Variants in REV3L observed in about 807,000 individuals in gnomAD.
REV3L encodes the protein REV3 like, DNA directed polymerase zeta catalytic subunit, also known as DNA polymerase zeta catalytic subunit.
A neutral mutation model predicts 299.4 loss-of-function variants in REV3L; 69 were observed. The observed-to-expected ratio is 0.23, with a 90% CI of 0.19 to 0.28. The LOEUF is 0.28. Ranked by LOEUF, REV3L falls within the 10% of genes least tolerant of loss-of-function variation. REV3L has a pLI of 1.00. For missense variants in REV3L, 3,128 were observed against 3,693.8 expected (o/e 0.85, Z 3.97); for synonymous variants, 1,238 against 1,271.4 (o/e 0.97, Z 0.56).
intron 1 of REV3L, among the ~76,000 whole-genome samples, chr6:111,421,478 G>A (rs1032845093): frequency 2.5e-4 from 38 of 152,080 alleles, no homozygotes; most frequent in African/African-American, 8.7e-4. Context: ...TTAAGTGAAC[G>A]GGCATGACCG....
In REV3L at chr6:111,305,161, G is replaced by A. The variant is rs969846401; in HGVS notation, c.9252+2200C>T. On this transcript the variant is annotated intron_variant, in intron 31 of 31. Coordinates refer to ENST00000368802, the MANE Select transcript of REV3L (RefSeq NM_001372078.1). ...TCTCCATATTGGTCAGGCTGGTCTCGAACTCCCGACCTCACGTGATCCGCC... is the reference window on the plus strand; with the variant it reads ...TCTCCATATTGGTCAGGCTGGTCTCAAACTCCCGACCTCACGTGATCCGCC... Among the ~76,000 whole-genome samples, 13 of 151,952 alleles carry A rather than the reference G, an allele frequency of 8.6e-5. No individual in the cohort carries two copies. The South Asian group carries it at 1.7e-3, about 19-fold the overall frequency.
rs191894641 is a variant in REV3L, at chr6:111,316,696, A to G, written c.8352-1315T>C. Among the ~76,000 whole-genome samples, 547 of 152,162 alleles carry G rather than the reference A, an allele frequency of 3.6e-3. 2 individuals carry two copies. Among genetic ancestry groups the G allele is most frequent in the African/African-American group, 0.013 (524 of 41,512 alleles). ...AAAAAAAGAAAAAAAAAAGACAGAC[A>G]TATATTCTGTAATGTATGTTAACTG... On this transcript the variant is annotated intron_variant, in intron 26 of 31. Coordinates refer to ENST00000368802, the MANE Select transcript of REV3L (RefSeq NM_001372078.1).
chr6:111,465,756 A>AAAAAAAAAAAAAAAAAAAAAAAC (rs1562355626), intron 1 of REV3L, among the ~76,000 whole-genome samples: 1 of 146,998 alleles, frequency 6.8e-6, no homozygotes, highest in Admixed American at 7.0e-5. Context: ...AAAAAAAAAA[A>AAAAAAAAAAAAAAAAAAAAAAAC]AAAAAAAAAA....
At chr6:111,300,700 T>C (rs1452088548) in intron 31 of REV3L, among the ~76,000 whole-genome samples, 3 of 152,222 alleles carry the variant, frequency 2.0e-5, no homozygotes. Context: ...ATTGTGAAGA[T>C]TTCATGAACA....
intron 28 of REV3L, 96 bp downstream of exon 28, chr6:111,313,256 C>A: frequency 9.1e-7 from 1 of 1,095,698 alleles, no homozygotes; most frequent in Non-Finnish European, 1.3e-6. Context: ...GGCTATAGTT[C>A]CTTCACCTAG....
chr6:111,351,652 C>T (rs1433972502), intron 19 of REV3L, 24 bp downstream of exon 19: 1 of 1,547,392 alleles, frequency 6.5e-7, no homozygotes, highest in South Asian at 1.1e-5. Flanking sequence ...AGTTGAATGA[C>T]AAAACATTCA....
chr6:111,307,830 G>T (rs1413009072), intron 30 of REV3L: 3 of 420,124 alleles, frequency 7.1e-6, no homozygotes, highest in African/African-American at 6.0e-5. Context: ...AAGTTCTAGG[G>T]TATGTGCAGG....
At chr6:111,452,452 A>G (rs1320683353) in intron 1 of REV3L, among the ~76,000 whole-genome samples, 2 of 152,234 alleles carry the variant, frequency 1.3e-5, no homozygotes. Flanking sequence ...TTCAGCACCT[A>G]GTGAATGGTA....
intron 17 of REV3L, among the ~76,000 whole-genome samples, chr6:111,357,988 ATG>A (rs1425984517): frequency 6.6e-6 from 1 of 151,596 alleles, no homozygotes; most frequent in East Asian, 1.9e-4. Context: ...GTGAGCTGGT[ATG>A]TGTCAGCTCA....
chr6:111,430,033 ACAAG>A (rs1348521381), intron 1 of REV3L, among the ~76,000 whole-genome samples: 1 of 152,062 alleles, frequency 6.6e-6, no homozygotes, highest in Non-Finnish European at 1.5e-5. Context: ...AAGAAAGGAG[ACAAG>A]CAGGTTCCAG....
At chr6:111,328,513 G>A (rs1775064710) in intron 25 of REV3L, among the ~76,000 whole-genome samples, 1 of 152,312 alleles carries the variant, frequency 6.6e-6, no homozygotes, top group Non-Finnish European at 1.5e-5. Flanking sequence ...AGGTGGCACT[G>A]AAATTTTATG....
rs759041428 is a variant in REV3L at position 111,376,133 on chromosome 6, G to C, written c.2222C>G (p.Thr741Ser). The change falls in exon 13 of 32, where the codon ACT (threonine) becomes AGT (serine). Residue 741 changes from threonine to serine, a missense_variant. By Grantham distance (58) the Thr-to-Ser change is moderately conservative. Transcript: ENST00000368802. ...ALSSLFPSSF[T>S]ENCELLSCSG... Reference sequence around the variant, plus strand: ...GCATGACAGTAATTCACAATTTTCAGTAAATGATGAAGGGAATAAACTACT... The same window carrying C: ...GCATGACAGTAATTCACAATTTTCACTAAATGATGAAGGGAATAAACTACT... 1 of 1,612,912 alleles carries C rather than the reference G, an allele frequency of 6.2e-7. No homozygotes were observed. The highest frequency in any genetic ancestry group is 8.5e-7 in the Non-Finnish European group (1 of 1,179,920).
intron 1 of REV3L, among the ~76,000 whole-genome samples, chr6:111,418,586 C>T (rs571415585): frequency 1.8e-4 from 28 of 152,254 alleles, no homozygotes; most frequent in African/African-American, 6.5e-4. Flanking sequence ...GATAATCTTG[C>T]AGTATTGATG....
chr6:111,393,276 C>CA (rs1782131199), intron 4 of REV3L, among the ~76,000 whole-genome samples: 1 of 152,134 alleles, frequency 6.6e-6, no homozygotes, highest in South Asian at 2.1e-4. Flanking sequence ...CTCGGCCTCC[C>CA]AAAGTGCTGG....
At chr6:111,380,625 C>G (rs945911285) in intron 10 of REV3L, among the ~76,000 whole-genome samples, 1 of 152,236 alleles carries the variant, frequency 6.6e-6, no homozygotes, top group African/African-American at 2.4e-5. Flanking sequence ...GATACTGGCA[C>G]AGGCTGAAAG....
chr6:111,440,557 C>T (rs1788147111), intron 1 of REV3L, among the ~76,000 whole-genome samples: 1 of 152,134 alleles, frequency 6.6e-6, no homozygotes, highest in South Asian at 2.1e-4. Context: ...AAAATTGCTG[C>T]CATTAATTTC....
At position 111,367,377 on chromosome 6, in the gene REV3L, T is replaced by G. The variant is rs928669584; in HGVS notation, c.6411A>C (p.Lys2137Asn). The change falls in exon 14 of 32, where the codon AAA becomes AAC. Residue 2137 changes from lysine to asparagine, a missense_variant. Around this residue, in one of 9 missense-constraint regions of REV3L, gnomAD observed 2,409 missense variants for 2,611.8 expected, o/e 0.92. Coordinates refer to ENST00000368802, the MANE Select transcript of REV3L (RefSeq NM_001372078.1). ...PWQQPISPDS[K>N]ALNGDDRPSS... is the part of the protein sequence containing the mutation. The stretch of plus-strand genomic sequence containing the variant: ...AGGGTCTATCATCTCCATTTAATGC[T>G]TTGGAATCTGGGGATATTGGTTGTT... 36 of 1,609,140 alleles carry G rather than the reference T, an allele frequency of 2.2e-5. No individual in the cohort carries two copies. The highest frequency in any genetic ancestry group is 3.1e-5 in the Non-Finnish European group (36 of 1,178,188).
chr6:111,404,251 G>A (rs1398551275), intron 4 of REV3L, among the ~76,000 whole-genome samples: 1 of 152,162 alleles, frequency 6.6e-6, no homozygotes, highest in Middle Eastern at 3.2e-3. Context: ...AAAAAGCATG[G>A]ATGACAGTAT....
intron 16 of REV3L, among the ~76,000 whole-genome samples, chr6:111,361,985 G>C (rs1035317420): frequency 4.6e-5 from 7 of 152,066 alleles, no homozygotes; most frequent in African/African-American, 1.7e-4. Flanking sequence ...GGGTTACCTA[G>C]GAAAATGTAG....
Sources: gnomAD v4.1 joint callset for allele counts (sites outside exome capture counted in the v4.1 genomes callset) on GRCh38, gnomAD v4.1.1 for gene constraint, gnomAD v4.1.1 regional missense constraint, MANE v1.5 for transcripts, NCBI Gene and HGNC (gene_info 2026-07-23, HGNC 2026-07-21) for gene names.